CDC42BPB: variants seen among roughly 807,000 people sequenced by gnomAD.
CDC42BPB encodes the protein CDC42 binding protein kinase beta.
CDC42BPB carries 37 observed loss-of-function variants against 214.9 expected under a neutral mutation model. The ratio of observed to expected loss-of-function variants is 0.17; its 90% confidence interval spans 0.13 to 0.23. The LOEUF is 0.23. CDC42BPB is among the 10% of genes least tolerant of loss of function. The pLI is 1.00. For missense variants in CDC42BPB, 1,694 were observed against 2,227.0 expected (o/e 0.76, Z 4.82); for synonymous variants, 931 against 884.0 (o/e 1.05, Z -0.94).
chr14:102,999,762 T>C, intron 4 of CDC42BPB, 49 bp from the exon 5 acceptor site: 1 of 1,607,674 alleles, frequency 6.2e-7, no homozygotes. Flanking sequence ...TAGTCACCAC[T>C]AAACCTGACA....
intron 7 of CDC42BPB, among the ~76,000 whole-genome samples, chr14:102,981,481 C>G (rs1369424586): frequency 6.6e-6 from 1 of 152,166 alleles, no homozygotes; most frequent in African/African-American, 2.4e-5. Context: ...AAAAAAGAGA[C>G]TCGTTAAAAA....
chr14:102,966,458 G>A (rs970475809), intron 17 of CDC42BPB, 71 bp from the exon 18 acceptor site: 15 of 1,587,756 alleles, frequency 9.4e-6, no homozygotes, highest in Admixed American at 3.4e-5. Flanking sequence ...AGAAGGGGAC[G>A]TTCCCGCCTT....
In CDC42BPB at chr14:102,999,809, T is replaced by A. The variant is rs1196254160; in HGVS notation, c.448-96A>T. ...GTCTTCCATGGCGAGGTTCTCAGGC[T>A]CCAGGTCTGGCTCGTGGCATCTCAG... On this transcript the variant is annotated intron_variant, in intron 4 of 36. Coordinates refer to ENST00000361246, the MANE Select transcript of CDC42BPB (RefSeq NM_006035.4). 3 of 1,539,656 alleles carry A rather than the reference T, an allele frequency of 1.9e-6. No homozygotes were observed. In the Admixed American group the frequency reaches 5.6e-5, roughly 29 times the overall value.
chr14:103,000,799 T>C (rs1338057640), intron 4 of CDC42BPB, among the ~76,000 whole-genome samples: 2 of 152,202 alleles, frequency 1.3e-5, no homozygotes, highest in Non-Finnish European at 2.9e-5. Flanking sequence ...AGGCCAGTGC[T>C]GTCCTGTTCA....
At chr14:102,985,563 A>G (rs895168838) in intron 6 of CDC42BPB, among the ~76,000 whole-genome samples, 2 of 152,236 alleles carry the variant, frequency 1.3e-5, no homozygotes, top group African/African-American at 4.8e-5. Context: ...CAAGACTATT[A>G]AAAACAAGAG....
chr14:103,025,223 T>A (rs1354567956), intron 1 of CDC42BPB, among the ~76,000 whole-genome samples: 1 of 152,060 alleles, frequency 6.6e-6, no homozygotes, highest in Non-Finnish European at 1.5e-5. Flanking sequence ...AGTAAGCAAT[T>A]CTTTCACTCT....
In CDC42BPB at chr14:102,982,949, G is replaced by A. The variant is rs191159760; in HGVS notation, c.891+607C>T. On this transcript the variant is annotated intron_variant, in intron 7 of 36. Transcript: ENST00000361246. ...AAAAATATCAGACAGAAGAGAAAAT[G>A]ATAAAAAGGAAAACAAAGGAGGTGG... Among the ~76,000 whole-genome samples the A allele has an allele frequency of 2.0e-5, 3 of 152,022 alleles. No homozygotes were observed. The South Asian group carries it at 6.2e-4, about 32-fold the overall frequency.
chr14:102,942,010 T>C (rs1261289051), intron 30 of CDC42BPB, among the ~76,000 whole-genome samples: 2 of 152,238 alleles, frequency 1.3e-5, no homozygotes, highest in Non-Finnish European at 2.9e-5. Context: ...GCCAGACACG[T>C]GTGGCCAAGA....
intron 1 of CDC42BPB, among the ~76,000 whole-genome samples, chr14:103,027,488 G>C (rs1466068079): frequency 6.6e-6 from 1 of 152,232 alleles, no homozygotes; most frequent in African/African-American, 2.4e-5. Context: ...TCAACTGATA[G>C]CTAAATAAAC....
Position 102,968,577 on chromosome 14 carries a change from A to T in CDC42BPB, c.2135T>A (p.Val712Glu), listed in dbSNP as rs142716076. The T allele has an allele frequency of 3.1e-6, 5 of 1,613,726 alleles. No individual in the cohort carries two copies. The highest frequency in any genetic ancestry group is 4.2e-6 in the Non-Finnish European group (5 of 1,179,984). Residue 712 changes from valine (V) to glutamate (E), a missense_variant, in exon 15 of 37, where the codon GTG (valine) becomes GAG (glutamate). Val to Glu is a moderately radical substitution (Grantham distance 121, BLOSUM62 -2). This residue lies in a region of CDC42BPB where 462 missense variants were observed against 513.5 expected (regional missense o/e 0.90). Transcript: ENST00000361246. ...ATGCACCTCCTTCTTCACATTTTTC[A>T]CTTCTAGCACATGGGAGGCCTCACG... ...VRREASHVLE[V>E]KNVKKEVHDS...
chr14:102,942,909 T>C (rs999470713), intron 30 of CDC42BPB, among the ~76,000 whole-genome samples: 1 of 149,188 alleles, frequency 6.7e-6, no homozygotes, highest in African/African-American at 2.5e-5. Context: ...CGCTCTGTTG[T>C]CCAGGCTAGA....
At chr14:103,045,083 C>A (rs115809187) in intron 1 of CDC42BPB, among the ~76,000 whole-genome samples, 9 of 151,284 alleles carry the variant, frequency 5.9e-5, no homozygotes, top group African/African-American at 2.2e-4. Context: ...AAAATAAATT[C>A]GGCTCACCAG....
chr14:103,017,547 C>T (rs1466580533), intron 1 of CDC42BPB, among the ~76,000 whole-genome samples: 3 of 151,946 alleles, frequency 2.0e-5, no homozygotes, highest in Admixed American at 1.3e-4. Flanking sequence ...TGAGACGCAA[C>T]CGCACATCCC....
rs981403340 is a variant in CDC42BPB at position 102,932,676 on chromosome 14, CCA to C, written c.*1034_*1035del. The stretch of plus-strand genomic sequence containing the variant: ...AGCTGTGGACAAGCTGTGTCTGCCG[CCA>C]CAGTTAATCACAAGCCTCTGACGAC... On this transcript the variant is annotated 3_prime_UTR_variant, in exon 37 of 37. Transcript: ENST00000361246. 1.2e-4 allele frequency: 18 copies of C among 152,394 alleles called. No homozygotes were observed. The highest frequency in any genetic ancestry group is 3.3e-4 in the Admixed American group (5 of 15,260). The allele number at this position is 152,394 out of a possible 1,614,324, so 9.4% of individuals were successfully genotyped here.
At chr14:103,041,491 T>C (rs1887990880) in intron 1 of CDC42BPB, 3 of 1,347,694 alleles carry the variant, frequency 2.2e-6, no homozygotes, top group African/African-American at 1.4e-5. Context: ...CAGAATGGCA[T>C]GGAAGCCCCA....
chr14:102,975,530 A>C (rs923112200), intron 11 of CDC42BPB, among the ~76,000 whole-genome samples, 154 bp downstream of exon 11: 1 of 152,216 alleles, frequency 6.6e-6, no homozygotes, highest in African/African-American at 2.4e-5. Flanking sequence ...TCTAAAAAAA[A>C]ACAACTGACC....
chr14:102,983,111 G>C (rs935025961), intron 7 of CDC42BPB, among the ~76,000 whole-genome samples: 1 of 152,174 alleles, frequency 6.6e-6, no homozygotes. Flanking sequence ...CTGGGGAACA[G>C]ACTTGAGAAT....
chr14:102,979,236 T>C (rs1393500061), intron 8 of CDC42BPB, among the ~76,000 whole-genome samples: 1 of 150,850 alleles, frequency 6.6e-6, no homozygotes, highest in Non-Finnish European at 1.5e-5. Context: ...TTTTTTGAGA[T>C]GGACTCTCGC....
rs78259865 is a variant in CDC42BPB, at chr14:103,040,928, T to C, written c.175+16071A>G. 1.4e-3 allele frequency among the ~76,000 whole-genome samples: 213 copies of C among 152,292 alleles called. 3 individuals are homozygous for C. The East Asian group carries it at 0.035, about 25-fold the overall frequency. ...CTATTAGAAACTGACAAGCTGTTCC[T>C]AAAATGCATATGGAAACTCAAAGAA... is the stretch of plus-strand genomic sequence containing the variant. On this transcript the variant is annotated intron_variant, in intron 1 of 36. Coordinates refer to ENST00000361246, the MANE Select transcript of CDC42BPB (RefSeq NM_006035.4).
Sources: allele counts gnomAD v4.1 joint callset (sites outside exome capture counted in the v4.1 genomes callset), GRCh38; gene constraint gnomAD v4.1.1; regional missense constraint gnomAD v4.1.1; transcripts MANE v1.5; gene names NCBI Gene and HGNC (gene_info 2026-07-23, HGNC 2026-07-21).